Variants in SRP72 observed in about 807,000 individuals in gnomAD.
The protein encoded by SRP72 is signal recognition particle 72, also known as signal recognition particle subunit SRP72.
Under a neutral mutation model 96.3 loss-of-function variants are expected in SRP72, and 49 were observed. The observed-to-expected ratio is 0.51, with a 90% confidence interval of 0.40 to 0.65. SRP72 has a LOEUF of 0.65. Ranked by LOEUF, SRP72 falls within the 30% of genes least tolerant of loss-of-function variation. The probability of loss-of-function intolerance (pLI) is 0.00; values close to 1 mark genes in which losing one functional copy is unlikely to be tolerated. For synonymous variants in SRP72, 267 were observed against 275.2 expected, an observed-to-expected ratio of 0.97 and a Z score of 0.30; for missense variants, 736 against 793.3, an observed-to-expected ratio of 0.93 and a Z score of 0.87.
intron 8 of SRP72, among the ~76,000 whole-genome samples, chr4:56,480,706 A>G (rs1035530528): frequency 2.0e-5 from 3 of 152,242 alleles, no homozygotes; most frequent in African/African-American, 7.2e-5. Flanking sequence ...TACTGGATGC[A>G]ATAGGTAATG....
Position 56,483,301 on chromosome 4 carries a change from A to G in SRP72, c.957+31A>G, listed in dbSNP as rs1578186107. The G allele has an allele frequency of 8.1e-6, 13 of 1,601,664 alleles. No homozygotes were observed. The East Asian group carries it at 2.9e-4, about 36-fold the overall frequency. ...TAATTACCTTTGGTGTCATGGCTAAACCTTTTGTAATATGGTATATGAGGA... is the reference window on the plus strand; with the variant it reads ...TAATTACCTTTGGTGTCATGGCTAAGCCTTTTGTAATATGGTATATGAGGA... On this transcript the variant is annotated intron_variant, in intron 9 of 18. Transcript: ENST00000642900.
Position 56,476,662 on chromosome 4 carries a change from C to T in SRP72, c.611-9C>T, listed in dbSNP as rs1231309669. On this transcript the variant is annotated splice_polypyrimidine_tract_variant and intron_variant, in intron 5 of 18. Transcript: ENST00000642900. ...CAATACTACTTTTAAAACAATTTTT[C>T]TCCTGTAGATCTTTGCCGCCGTTCA... 1 of 1,611,938 alleles carries T rather than the reference C, an allele frequency of 6.2e-7. No individual in the cohort carries two copies. Among genetic ancestry groups the T allele is most frequent in the African/African-American group, 1.3e-5 (1 of 75,006 alleles).
At position 56,469,690 on chromosome 4, in the gene SRP72, T is replaced by G. The variant is rs745914656; in HGVS notation, c.147T>G (p.His49Gln). ...ACAAAGATGACGTAACTGCCCTGCA[T>G]TGTAAAGTGGTATGCCTTATCCAGA... is the stretch of plus-strand genomic sequence containing the variant. The part of the protein sequence containing the change: ...QINKDDVTAL[H>Q]CKVVCLIQNG... The change falls in exon 2 of 19, where the codon CAT becomes CAG. Residue 49 changes from histidine (H) to glutamine (Q), a missense_variant. Physicochemically the swap from His to Gln is conservative, Grantham distance 24 (BLOSUM62 0). Around this residue, in one of 3 missense-constraint regions of SRP72, gnomAD observed 329 missense variants for 319.0 expected, o/e 1.03. Transcript: ENST00000642900. 6.2e-7 allele frequency: 1 copy of G among 1,612,068 alleles called. No individual in the cohort carries two copies. Among genetic ancestry groups the G allele is most frequent in the Non-Finnish European group, 8.5e-7 (1 of 1,178,536 alleles).
At chr4:56,482,163 C>T (rs1025180992) in intron 8 of SRP72, among the ~76,000 whole-genome samples, 8 of 148,796 alleles carry the variant, frequency 5.4e-5, no homozygotes, top group South Asian at 4.4e-4. Flanking sequence ...TGTACTGGGC[C>T]GGGCACAGTG....
chr4:56,491,760 A>G, intron 16 of SRP72, 192 bp downstream of exon 16: 1 of 474,258 alleles, frequency 2.1e-6, no homozygotes, highest in Non-Finnish European at 3.6e-6. Context: ...AACCTCTGGT[A>G]TTAATTTAAT....
chr4:56,472,824 T>C (rs987304122), intron 3 of SRP72, among the ~76,000 whole-genome samples: 5 of 152,120 alleles, frequency 3.3e-5, no homozygotes, highest in Admixed American at 3.3e-4. Flanking sequence ...TTAGGGTAAA[T>C]TCTAGCATTT....
chr4:56,477,712 C>G (rs1176241453), intron 6 of SRP72, among the ~76,000 whole-genome samples: 1 of 152,122 alleles, frequency 6.6e-6, no homozygotes, highest in Admixed American at 6.6e-5. Flanking sequence ...CAGGTGAGAG[C>G]AGGAGTGTTG....
chr4:56,492,029 G>A (rs1720926413), intron 16 of SRP72, among the ~76,000 whole-genome samples: 1 of 152,150 alleles, frequency 6.6e-6, no homozygotes. Context: ...AGTAGAGACA[G>A]GGTTTCACCC....
chr4:56,496,585 A>C (rs1721077906), intron 17 of SRP72, among the ~76,000 whole-genome samples: 1 of 152,220 alleles, frequency 6.6e-6, no homozygotes, highest in South Asian at 2.1e-4. Flanking sequence ...TAGTTTCCAG[A>C]TGAATATTTT....
At chr4:56,485,229 A>G (rs573539362) in intron 10 of SRP72, among the ~76,000 whole-genome samples, 1 of 152,140 alleles carries the variant, frequency 6.6e-6, no homozygotes, top group East Asian at 1.9e-4. Context: ...AATTATGGAG[A>G]TACTGACTTT....
intron 16 of SRP72, among the ~76,000 whole-genome samples, chr4:56,494,801 TA>T (rs1721022880): frequency 6.6e-6 from 1 of 151,898 alleles, no homozygotes; most frequent in African/African-American, 2.4e-5. Context: ...TTTACTTACA[TA>T]AAAAAATTAA....
At chr4:56,495,501 T>C in intron 17 of SRP72, 107 bp downstream of exon 17, 1 of 617,884 alleles carries the variant, frequency 1.6e-6, no homozygotes, top group South Asian at 2.7e-5. Context: ...CTTGTATCTT[T>C]GAAAACTTTT....
Position 56,471,856 on chromosome 4 carries a change from T to C in SRP72, c.354+13T>C, listed in dbSNP as rs1190533011. On this transcript the variant is annotated intron_variant, in intron 3 of 18. Transcript: ENST00000642900. ...TTATGGACAAGTGGTAATTACTGCT[T>C]TTAAATACATGTTGACAGTGATACT... 3 of 1,613,390 alleles carry C rather than the reference T, an allele frequency of 1.9e-6. No individual in the cohort carries two copies. Among genetic ancestry groups the C allele is most frequent in the Non-Finnish European group, 1.7e-6 (2 of 1,179,642 alleles).
chr4:56,483,994 C>T (rs1249644174), intron 9 of SRP72, among the ~76,000 whole-genome samples: 1 of 143,070 alleles, frequency 7.0e-6, no homozygotes, highest in Non-Finnish European at 1.5e-5. Context: ...TGTTTTAGAG[C>T]AGAAGTTTTA....
chr4:56,476,476 C>T, intron 5 of SRP72, 195 bp from the exon 6 acceptor site: 1 of 568,502 alleles, frequency 1.8e-6, no homozygotes, highest in Non-Finnish European at 3.0e-6. Flanking sequence ...AAGCAAAGTG[C>T]CAAAGAGCTG....
rs1391491155 is a variant in SRP72 at position 56,488,071 on chromosome 4, A to G, written c.1224+58A>G. 4 of 1,182,256 alleles carry G rather than the reference A, an allele frequency of 3.4e-6. No homozygotes were observed. In the African/African-American group the frequency reaches 4.7e-5, roughly 14 times the overall value. 73.2% of individuals were successfully genotyped at this position (1,182,256 alleles called of 1,614,324 possible). On this transcript the variant is annotated intron_variant, in intron 12 of 18. Transcript: ENST00000642900. ...GTTGAATTGATAATTTGTATGTCTA[A>G]TGTGTATTCACTTTATTTATATGTC...
At chr4:56,483,395 T>A in intron 9 of SRP72, 125 bp downstream of exon 9, 5 of 917,270 alleles carry the variant, frequency 5.5e-6, no homozygotes, top group African/African-American at 1.7e-5. Context: ...CATAAATATA[T>A]TTTTTTGCCT....
Position 56,481,653 on chromosome 4 carries a change from TAC to T in SRP72, c.826-1484_826-1483del. ...TGTTTCTGAGGTTTCATGATTGCCT[TAC>T]AGAGTCACTACAGGCATACCTCATT... On this transcript the variant is annotated intron_variant, in intron 8 of 18. Coordinates refer to ENST00000642900, the MANE Select transcript of SRP72 (RefSeq NM_006947.4). Among the ~76,000 whole-genome samples, 2 of 152,310 alleles carry T rather than the reference TAC, an allele frequency of 1.3e-5. 1 individual carries two copies. The highest frequency in any genetic ancestry group is 4.1e-4 in the South Asian group (2 of 4,830).
Position 56,484,026 on chromosome 4 carries a change from A to ATTTTTTTTTTTTTTTTTTTTTTTT in SRP72, c.958-708_958-685dup, listed in dbSNP as rs539665243. Among the ~76,000 whole-genome samples, 19 of 86,618 alleles carry ATTTTTTTTTTTTTTTTTTTTTTTT rather than the reference A, an allele frequency of 2.2e-4. 3 individuals are homozygous for ATTTTTTTTTTTTTTTTTTTTTTTT. Among genetic ancestry groups the ATTTTTTTTTTTTTTTTTTTTTTTT allele is most frequent in the East Asian group, 1.1e-3 (2 of 1,858 alleles). 56.8% of individuals were successfully genotyped at this position (86,618 alleles called of 152,430 possible). A position where few individuals can be genotyped will look rare whatever the true frequency, so the allele number is the denominator to read the frequency against. On this transcript the variant is annotated intron_variant, in intron 9 of 18. Coordinates refer to ENST00000642900, the MANE Select transcript of SRP72 (RefSeq NM_006947.4). Reference sequence around the variant, plus strand: ...TTTAGTGGGAGACAGAGAAGCAGTAATTTTTTTTTTTTTTTTTTTTTTTTT... The same window carrying ATTTTTTTTTTTTTTTTTTTTTTTT: ...TTTAGTGGGAGACAGAGAAGCAGTAATTTTTTTTTTTTTTTTTTTTTTTTTTTTTTTTTTTTTTTTTTTTTTTTT...
Sources: gnomAD v4.1 joint callset for allele counts (sites outside exome capture counted in the v4.1 genomes callset) on GRCh38, gnomAD v4.1.1 for gene constraint, gnomAD v4.1.1 regional missense constraint, MANE v1.5 for transcripts, NCBI Gene and HGNC (gene_info 2026-07-23, HGNC 2026-07-21) for gene names.